UTRN: variants seen among roughly 807,000 people sequenced by gnomAD.
UTRN encodes the protein utrophin.
A neutral mutation model predicts 463.9 loss-of-function variants in UTRN; 283 were observed. The observed-to-expected ratio is 0.61, with a 90% CI of 0.55 to 0.67. The LOEUF (loss-of-function observed/expected upper bound fraction) is 0.67, where lower values mean the gene tolerates loss of function less well. UTRN is among the 30% of genes least tolerant of loss of function. The pLI is 0.00. For missense variants in UTRN, 3,922 were observed against 4,084.3 expected, an observed-to-expected ratio of 0.96 and a Z score of 1.08; for synonymous variants, 1,442 against 1,431.5, an observed-to-expected ratio of 1.01 and a Z score of -0.17.
At chr6:144,467,234 C>T (rs11967142) in intron 23 of UTRN, among the ~76,000 whole-genome samples, 13,844 of 152,288 alleles carry the variant, frequency 0.091, 804 homozygotes, top group African/African-American at 0.17. Context: ...ATCCCTCCTC[C>T]TCCTGTCTGC....
chr6:144,784,268 A>G (rs188833701), intron 61 of UTRN, among the ~76,000 whole-genome samples: 4 of 152,334 alleles, frequency 2.6e-5, no homozygotes, highest in Admixed American at 2.6e-4. Context: ...GGCTGCCATA[A>G]CAAAGAATGA....
In UTRN at chr6:144,485,555, C is replaced by T. The variant is rs9496982; in HGVS notation, c.3822+36C>T. Reference sequence around the variant, plus strand: ...GTGATCTCCACGGCATTTCTCTTTGCTGTGATGAGGCCACACGTGTATTAC... The same window carrying T: ...GTGATCTCCACGGCATTTCTCTTTGTTGTGATGAGGCCACACGTGTATTAC... On this transcript the variant is annotated intron_variant, in intron 28 of 74. Coordinates refer to ENST00000367545, the MANE Select transcript of UTRN (RefSeq NM_007124.3). The T allele has an allele frequency of 0.25, 409,678 of 1,612,950 alleles. 60,597 individuals are homozygous for T. The highest frequency in any genetic ancestry group is 0.67 in the African/African-American group (49,985 of 74,904).
At chr6:144,455,487 C>G (rs1788725750) in intron 19 of UTRN, among the ~76,000 whole-genome samples, 1 of 152,150 alleles carries the variant, frequency 6.6e-6, no homozygotes, top group South Asian at 2.1e-4. Context: ...AGCATTGTAC[C>G]TGGTGACTCT....
chr6:144,787,384 G>A (rs113237138), intron 61 of UTRN, among the ~76,000 whole-genome samples: 3,419 of 152,220 alleles, frequency 0.022, 135 homozygotes, highest in African/African-American at 0.079. Context: ...CTGCTTAGAA[G>A]GGCTATGTTT....
In UTRN at chr6:144,293,664, C is replaced by A. The variant is rs141410133; in HGVS notation, c.79+1757C>A. On this transcript the variant is annotated intron_variant, in intron 2 of 74. Coordinates refer to ENST00000367545, the MANE Select transcript of UTRN (RefSeq NM_007124.3). Reference sequence around the variant, plus strand: ...TTAGGAATTGGTTAGATCATTATTTCCCAAAGTATTTCGAAAAGATCAAAA... The same window carrying A: ...TTAGGAATTGGTTAGATCATTATTTACCAAAGTATTTCGAAAAGATCAAAA... Among the ~76,000 whole-genome samples the A allele has an allele frequency of 2.2e-3, 328 of 152,132 alleles. 1 individual carries two copies. The highest frequency in any genetic ancestry group is 7.6e-3 in the African/African-American group (315 of 41,532).
chr6:144,438,842 T>G lies in UTRN; in HGVS notation c.1339T>G (p.Cys447Gly), dbSNP rs1289840858. Residue 447 changes from cysteine (C) to glycine (G), a missense_variant, in exon 12 of 75, where the codon TGC becomes GGC. Coordinates refer to ENST00000367545, the MANE Select transcript of UTRN (RefSeq NM_007124.3). ...GGAGCGCATTCAGAAGATGGAAACT[T>G]GCCCCCTGGATGATGATGTAAAATC... ...TEERIQKMET[C>G]PLDDDVKSLQ... 8 of 1,614,210 alleles carry G rather than the reference T, an allele frequency of 5.0e-6. No homozygotes were observed. Among genetic ancestry groups the G allele is most frequent in the Non-Finnish European group, 6.8e-6 (8 of 1,180,030 alleles).
At chr6:144,850,892 G>A in intron 74 of UTRN, 97 bp from the exon 75 acceptor site, 1 of 1,547,036 alleles carries the variant, frequency 6.5e-7, no homozygotes. Flanking sequence ...TAAGACTCTT[G>A]AAAGAAGCAC....
chr6:144,354,102 A>C (rs1306660278), intron 2 of UTRN, among the ~76,000 whole-genome samples: 1 of 152,182 alleles, frequency 6.6e-6, no homozygotes, highest in African/African-American at 2.4e-5. Context: ...ACATCAGTGA[A>C]GAGCCTTAGA....
intron 2 of UTRN, among the ~76,000 whole-genome samples, chr6:144,317,285 T>A (rs910217141): frequency 2.0e-5 from 3 of 152,200 alleles, no homozygotes; most frequent in Non-Finnish European, 4.4e-5. Context: ...GCATCCCATA[T>A]TGTAAACCAG....
Position 144,840,720 on chromosome 6 carries a change from C to G in UTRN, c.10178-20C>G, listed in dbSNP as rs1471064613. On this transcript the variant is annotated intron_variant, in intron 72 of 74. Coordinates refer to ENST00000367545, the MANE Select transcript of UTRN (RefSeq NM_007124.3). ...CATTAATTTGAGAAGCTTTGTTGTT[C>G]TCTTTATTTGCTGTCACAGCGGGAG... 2.5e-6 allele frequency: 4 copies of G among 1,612,966 alleles called. No homozygotes were observed. The highest frequency in any genetic ancestry group is 1.3e-5 in the African/African-American group (1 of 74,990).
chr6:144,801,051 A>G (rs1777660013), intron 64 of UTRN, among the ~76,000 whole-genome samples: 1 of 152,228 alleles, frequency 6.6e-6, no homozygotes, highest in Non-Finnish European at 1.5e-5. Flanking sequence ...GAATATGTGC[A>G]AACAACTTGT....
At chr6:144,336,483 C>T (rs984809059) in intron 2 of UTRN, among the ~76,000 whole-genome samples, 2 of 152,146 alleles carry the variant, frequency 1.3e-5, no homozygotes, top group African/African-American at 4.8e-5. Flanking sequence ...CACTTGGACA[C>T]ATTTTTTTTC....
At chr6:144,507,107 C>G (rs1418479954) in intron 34 of UTRN, among the ~76,000 whole-genome samples, 1 of 151,840 alleles carries the variant, frequency 6.6e-6, no homozygotes, top group Non-Finnish European at 1.5e-5. Context: ...GTGTTTTCAG[C>G]TTCATCAGGT....
At chr6:144,585,072 G>A (rs1170322381) in intron 51 of UTRN, among the ~76,000 whole-genome samples, 1 of 151,956 alleles carries the variant, frequency 6.6e-6, no homozygotes, top group Non-Finnish European at 1.5e-5. Context: ...AAAGTCGAAG[G>A]TATTAAGTTA....
At chr6:144,761,086 C>G (rs1407901448) in intron 58 of UTRN, among the ~76,000 whole-genome samples, 1 of 152,054 alleles carries the variant, frequency 6.6e-6, no homozygotes, top group African/African-American at 2.4e-5. Flanking sequence ...GAATATAAAT[C>G]TGAACTGAAA....
At chr6:144,511,210 A>T in intron 35 of UTRN, 87 bp downstream of exon 35, 14 of 1,294,548 alleles carry the variant, frequency 1.1e-5, no homozygotes, top group Non-Finnish European at 1.4e-5. Context: ...TAAATTTCAA[A>T]TCCTGTTTAC....
chr6:144,440,548 A>G (rs1410763320), intron 13 of UTRN, 77 bp downstream of exon 13: 1 of 1,580,418 alleles, frequency 6.3e-7, no homozygotes, highest in African/African-American at 1.4e-5. Context: ...CTTGTTCTTC[A>G]TGTCCTTTCT....
intron 34 of UTRN, among the ~76,000 whole-genome samples, chr6:144,504,719 C>CT (rs1459291441): frequency 2.6e-5 from 4 of 151,876 alleles, no homozygotes; most frequent in Admixed American, 2.0e-4. Context: ...CTGAAATTTT[C>CT]TTTTTTTTGT....
intron 23 of UTRN, among the ~76,000 whole-genome samples, chr6:144,470,995 C>G (rs1386165484): frequency 2.1e-5 from 3 of 144,420 alleles, no homozygotes; most frequent in South Asian, 2.3e-4. Flanking sequence ...AGCCTTGGCT[C>G]GGCATCAGAG....
Sources: gnomAD v4.1 joint callset for allele counts (sites outside exome capture counted in the v4.1 genomes callset) on GRCh38, gnomAD v4.1.1 for gene constraint, MANE v1.5 for transcripts, NCBI Gene and HGNC (gene_info 2026-07-23, HGNC 2026-07-21) for gene names.